The following DAB2IP variants were observed in gnomAD, a reference collection of about 807,000 sequenced individuals.
DAB2IP encodes DAB2 interacting protein, also known as disabled homolog 2-interacting protein.
In DAB2IP, 28 loss-of-function variants were observed where a neutral mutation model predicts 107.2. The observed-to-expected ratio is 0.26, with a 90% CI of 0.19 to 0.36. DAB2IP has a LOEUF of 0.36. Ranked by LOEUF, DAB2IP falls within the 10% of genes least tolerant of loss-of-function variation. The pLI is 1.00. For synonymous variants in DAB2IP, 755 were observed against 706.4 expected (o/e 1.07, Z -1.09); for missense variants, 1,400 against 1,644.7 (o/e 0.85, Z 2.57).
At chr9:121,683,257 C>T (rs533312779) in intron 2 of DAB2IP, among the ~76,000 whole-genome samples, 16 of 152,274 alleles carry the variant, frequency 1.1e-4, no homozygotes, top group Admixed American at 4.6e-4. Context: ...GCAGAGGAGC[C>T]GTGGTTTGAT....
chr9:121,706,446 C>T (rs952300443), intron 3 of DAB2IP, among the ~76,000 whole-genome samples: 2 of 152,216 alleles, frequency 1.3e-5, no homozygotes, highest in African/African-American at 2.4e-5. Flanking sequence ...ACTCCCTCCC[C>T]TCCACTTCTC....
Position 121,760,759 on chromosome 9 carries a change from G to C in DAB2IP, c.1170+320G>C, listed in dbSNP as rs1331008851. On this transcript the variant is annotated intron_variant, in intron 6 of 15. Transcript: ENST00000408936. This position sits in a 1 kb window ranked among gnomAD's most constrained non-coding sequence, Gnocchi z 5.9. ...CCTGAGGCGCCAGGGGAACAGGCTG[G>C]GTGGCCACGGCTCTCCCAGCACACA... is the stretch of plus-strand genomic sequence containing the variant. Among the ~76,000 whole-genome samples, 1 of 152,088 alleles carries C rather than the reference G, an allele frequency of 6.6e-6. No individual in the cohort carries two copies. Among genetic ancestry groups the C allele is most frequent in the Non-Finnish European group, 1.5e-5 (1 of 68,018 alleles).
chr9:121,613,237 A>G (rs1831155839), intron 1 of DAB2IP, among the ~76,000 whole-genome samples: 1 of 152,142 alleles, frequency 6.6e-6, no homozygotes, highest in Admixed American at 6.5e-5. Context: ...AGTGTCTGTA[A>G]TTATAAACCA....
Position 121,760,165 on chromosome 9 carries a change from C to T in DAB2IP, c.896C>T (p.Ala299Val). 6.2e-7 allele frequency: 1 copy of T among 1,613,868 alleles called. No individual in the cohort carries two copies. The highest frequency in any genetic ancestry group is 8.5e-7 in the Non-Finnish European group (1 of 1,180,030). Residue 299 changes from alanine to valine, a missense_variant, in exon 6 of 16, where the codon GCC becomes GTC. By Grantham distance (64) the Ala-to-Val change is moderately conservative. Transcript: ENST00000408936. The surrounding 1 kb of genome is among the most constrained non-coding windows in gnomAD (Gnocchi z 5.9). The stretch of plus-strand genomic sequence containing the variant: ...CTGGGCCTGGTGAGCCTACCTGCTG[C>T]CTCGGTGGCCGGGCGGCAGTTCGTG...
chr9:121,664,704 G>A (rs1257142805), intron 1 of DAB2IP, among the ~76,000 whole-genome samples: 3 of 152,152 alleles, frequency 2.0e-5, no homozygotes, highest in East Asian at 1.9e-4. Flanking sequence ...GAGTGCTGGC[G>A]GAAGACACGA....
chr9:121,713,529 G>A (rs1298374170), intron 3 of DAB2IP, among the ~76,000 whole-genome samples: 3 of 152,174 alleles, frequency 2.0e-5, no homozygotes, highest in African/African-American at 4.8e-5. Flanking sequence ...TGTAGGGTGG[G>A]AATGTTTGAG....
At chr9:121,708,727 A>G (rs1830180427) in intron 3 of DAB2IP, among the ~76,000 whole-genome samples, 1 of 152,258 alleles carries the variant, frequency 6.6e-6, no homozygotes, top group Admixed American at 6.5e-5. Context: ...AGCGAGCAGC[A>G]GTAATGCAAT....
In DAB2IP at chr9:121,633,642, C is replaced by T. The variant is rs1831976052; in HGVS notation, c.41-45036C>T. 6.6e-6 allele frequency among the ~76,000 whole-genome samples: 1 copy of T among 152,184 alleles called. No individual in the cohort carries two copies. The highest frequency in any genetic ancestry group is 2.4e-5 in the African/African-American group (1 of 41,442). Reference sequence around the variant, plus strand: ...CAGGCTCTATCCCCCTTGGTGCTCTCAGACCATTGCCCAGAGACAGCAGTG... The same window carrying T: ...CAGGCTCTATCCCCCTTGGTGCTCTTAGACCATTGCCCAGAGACAGCAGTG... On this transcript the variant is annotated intron_variant, in intron 1 of 16. Coordinates refer to the DAB2IP transcript ENST00000259371. The surrounding 1 kb of genome is among the most constrained non-coding windows in gnomAD (Gnocchi z 5.1).
intron 1 of DAB2IP, among the ~76,000 whole-genome samples, chr9:121,623,358 G>T (rs1831539595): frequency 6.6e-6 from 1 of 152,108 alleles, no homozygotes; most frequent in African/African-American, 2.4e-5. Flanking sequence ...GTTCAGTTTT[G>T]TTGTTGTTGT....
At chr9:121,685,886 G>A (rs971428975) in intron 2 of DAB2IP, among the ~76,000 whole-genome samples, 1 of 152,226 alleles carries the variant, frequency 6.6e-6, no homozygotes, top group Non-Finnish European at 1.5e-5. Flanking sequence ...GGAACTGAGC[G>A]CAGTTTGGGG....
Position 121,684,860 on chromosome 9 carries a change from C to T in DAB2IP, c.228+6079C>T, listed in dbSNP as rs1002606594. On this transcript the variant is annotated intron_variant, in intron 2 of 15. Coordinates refer to ENST00000408936, the Ensembl canonical transcript of DAB2IP. This position sits in a 1 kb window ranked among gnomAD's most constrained non-coding sequence, Gnocchi z 4.0. ...TACTTGCTGGGGCTCCCTCCACTGG[C>T]CCAGGCTGCTGTGGGTCCATCTCAG... 1.1e-4 allele frequency among the ~76,000 whole-genome samples: 17 copies of T among 152,170 alleles called. No individual in the cohort carries two copies. The highest frequency in any genetic ancestry group is 4.1e-4 in the African/African-American group (17 of 41,452).
chr9:121,568,511 GA>G (rs1829859256), intron 1 of DAB2IP, among the ~76,000 whole-genome samples: 1 of 152,226 alleles, frequency 6.6e-6, no homozygotes, highest in East Asian at 1.9e-4. Flanking sequence ...AGGAGAGAGG[GA>G]AAAAAATAGG....
chr9:121,620,822 C>A (rs1339685924), intron 1 of DAB2IP, among the ~76,000 whole-genome samples: 2 of 152,190 alleles, frequency 1.3e-5, no homozygotes, highest in African/African-American at 2.4e-5. Context: ...CACCCATGCC[C>A]AGGGCATTAA....
At chr9:121,649,041 G>A (rs1050197060), upstream of DAB2IP, among the ~76,000 whole-genome samples, 1 of 152,162 alleles carries the variant, frequency 6.6e-6, no homozygotes, top group Admixed American at 6.5e-5. Context: ...CTGTTCCTGG[G>A]CCAGGAAGAA....
At position 121,774,419 on chromosome 9, in the gene DAB2IP, CTG is replaced by C. The variant is rs756886420; in HGVS notation, c.3120+8_3120+9del. The C allele has an allele frequency of 1.9e-6, 3 of 1,606,940 alleles. No homozygotes were observed. The highest frequency in any genetic ancestry group is 1.7e-4 in the Middle Eastern group (1 of 6,028). Reference sequence around the variant, plus strand: ...GCTCAGCCAAGCAGAAAAGGTAAAACTGGACCCTGGCGGCTCGGGACAGGGCG... The same window carrying C: ...GCTCAGCCAAGCAGAAAAGGTAAAACGACCCTGGCGGCTCGGGACAGGGCG... On this transcript the variant is annotated splice_region_variant and intron_variant, in intron 13 of 15. Coordinates refer to ENST00000408936, the Ensembl canonical transcript of DAB2IP.
chr9:121,718,351 C>T (rs934826037), intron 3 of DAB2IP, among the ~76,000 whole-genome samples: 1 of 152,236 alleles, frequency 6.6e-6, no homozygotes, highest in African/African-American at 2.4e-5. Context: ...TGCTTGCACA[C>T]CCCCATGTGT....
chr9:121,738,761 G>A (rs1332459900), intron 3 of DAB2IP, among the ~76,000 whole-genome samples: 1 of 152,242 alleles, frequency 6.6e-6, no homozygotes, highest in African/African-American at 2.4e-5. Context: ...AGGGTTTGGG[G>A]TTTGGTTCTT....
intron 1 of DAB2IP, among the ~76,000 whole-genome samples, chr9:121,593,399 C>T (rs1158963408): frequency 2.0e-5 from 3 of 152,140 alleles, no homozygotes; most frequent in East Asian, 3.9e-4. Context: ...TCCCTAGAAG[C>T]TGGGATCACA....
In DAB2IP at chr9:121,618,159, T is replaced by C. The variant is rs73661797; in HGVS notation, c.40+50931T>C. On this transcript the variant is annotated intron_variant, in intron 1 of 16. Transcript: ENST00000259371. ...CCAAGGAGGCCCAAATGGATTACGATGGGATTATCTGTCTGTCTGTCTCTC... is the reference window on the plus strand; with the variant it reads ...CCAAGGAGGCCCAAATGGATTACGACGGGATTATCTGTCTGTCTGTCTCTC... Among the ~76,000 whole-genome samples the C allele has an allele frequency of 8.0e-3, 1,213 of 152,106 alleles. 16 individuals carry two copies. The highest frequency in any genetic ancestry group is 0.028 in the African/African-American group (1,162 of 41,476).
Sources: gnomAD v4.1 joint callset for allele counts (sites outside exome capture counted in the v4.1 genomes callset) on GRCh38, gnomAD v4.1.1 for gene constraint, Gnocchi (gnomAD v3.1) non-coding constraint, MANE v1.5 for transcripts, NCBI Gene and HGNC (gene_info 2026-07-23, HGNC 2026-07-21) for gene names.